CASD1: variants seen among roughly 807,000 people sequenced by gnomAD.
CASD1 encodes the protein CAS1 domain sialic acid O acetyltransferase 1.
A neutral mutation model predicts 100.0 loss-of-function variants in CASD1; 41 were observed. The ratio of observed to expected loss-of-function variants is 0.41; its 90% CI spans 0.32 to 0.53. CASD1 has a LOEUF of 0.53. CASD1 is among the 20% of genes least tolerant of loss of function. The probability of loss-of-function intolerance (pLI) is 0.25; values close to 1 mark genes in which losing one functional copy is unlikely to be tolerated. For synonymous variants in CASD1, 321 were observed against 315.6 expected (o/e 1.02, Z -0.18); for missense variants, 774 against 948.7 (o/e 0.82, Z 2.42).
At chr7:94,539,264 A>G (rs1471750015) in intron 10 of CASD1, among the ~76,000 whole-genome samples, 1 of 152,214 alleles carries the variant, frequency 6.6e-6, no homozygotes, top group Non-Finnish European at 1.5e-5. Context: ...AGATAAGGCA[A>G]TAATTGCTTT....
chr7:94,614,106 TCAAAAAAAAAAAA>T, the CASD1 span, among the ~76,000 whole-genome samples: 1 of 55,172 alleles, frequency 1.8e-5, no homozygotes, highest in Non-Finnish European at 3.4e-5. Context: ...CAAATTGAAA[TCAAAAAAAAAAAA>T]AAAAAAAAAA....
At chr7:94,570,060 G>A in the CASD1 span, among the ~76,000 whole-genome samples, 66 of 151,712 alleles carry the variant, frequency 4.4e-4, no homozygotes, top group African/African-American at 1.5e-3. Context: ...TGATCCGCCT[G>A]CCTCAGCCTC....
rs12673536 is a variant in CASD1 at position 94,553,559 on chromosome 7, G to A, written c.2035-924G>A. ...TTGAATATGAGTTTTTCCCTGAAGT[G>A]TGAACAGATTTGTCAATCCTTTTGT... On this transcript the variant is annotated intron_variant, in intron 16 of 17. Coordinates refer to ENST00000297273, the MANE Select transcript of CASD1 (RefSeq NM_022900.5). Among the ~76,000 whole-genome samples the A allele has an allele frequency of 3.9e-4, 60 of 152,248 alleles. No homozygotes were observed. The East Asian group carries it at 6.9e-3, about 18-fold the overall frequency.
At chr7:94,619,525 C>T in the CASD1 span, 1 of 152,220 alleles carries the variant, frequency 6.6e-6, no homozygotes, top group South Asian at 2.1e-4. Flanking sequence ...AACCCCATGT[C>T]AAATTCAGCC....
intron 10 of CASD1, among the ~76,000 whole-genome samples, chr7:94,543,044 G>T (rs557183095): frequency 1.3e-5 from 2 of 152,266 alleles, no homozygotes; most frequent in Non-Finnish European, 1.5e-5. Context: ...AGAAGAGTAG[G>T]ATTTGAATAA....
At chr7:94,510,308 A>C in intron 1 of CASD1, 91 bp downstream of exon 1, 1 of 1,007,344 alleles carries the variant, frequency 9.9e-7, no homozygotes, top group Non-Finnish European at 1.3e-6. Flanking sequence ...ACACACGCCC[A>C]CGCGGCCTTC....
chr7:94,629,756 T>C, the CASD1 span: 5 of 1,611,416 alleles, frequency 3.1e-6, no homozygotes, highest in Non-Finnish European at 4.2e-6. Context: ...CCTTAAAATA[T>C]TCTCTTTCCA....
At chr7:94,520,023 A>G (rs888786457) in intron 3 of CASD1, among the ~76,000 whole-genome samples, 2 of 152,222 alleles carry the variant, frequency 1.3e-5, no homozygotes, top group African/African-American at 4.8e-5. Flanking sequence ...TCCAGTTTTT[A>G]TAGTCTAGGA....
At chr7:94,623,453 T>A in the CASD1 span, 3 of 1,083,126 alleles carry the variant, frequency 2.8e-6, no homozygotes, top group Non-Finnish European at 4.2e-6. Context: ...TAAAATGAAA[T>A]TCATTAAGGA....
rs1436521512 is a variant in CASD1, at chr7:94,518,925, A to ACCT, written c.351+602_351+603insCCT. Reference sequence around the variant, plus strand: ...CTTTGTGTGAAAACTTTGCTTTTTAAATTATTTCCTTAGGGTGGAATCTCT... The same window carrying ACCT: ...CTTTGTGTGAAAACTTTGCTTTTTAACCTATTATTTCCTTAGGGTGGAATCTCT... On this transcript the variant is annotated intron_variant, in intron 3 of 17. Transcript: ENST00000297273. Among the ~76,000 whole-genome samples the ACCT allele has an allele frequency of 2.6e-5, 4 of 152,166 alleles. No individual in the cohort carries two copies. In the East Asian group the frequency reaches 7.7e-4, roughly 29 times the overall value.
At chr7:94,557,420 A>T (rs1031670638), downstream of CASD1, among the ~76,000 whole-genome samples, 2 of 152,208 alleles carry the variant, frequency 1.3e-5, no homozygotes, top group Non-Finnish European at 2.9e-5. Context: ...CTGCAGCCTT[A>T]TAAGTAGAGA....
chr7:94,521,485 C>T (rs1794266408), intron 3 of CASD1, among the ~76,000 whole-genome samples: 1 of 152,080 alleles, frequency 6.6e-6, no homozygotes, highest in African/African-American at 2.4e-5. Flanking sequence ...TTCTAATGTA[C>T]TCTATATTCT....
At chr7:94,604,805 GAATATATATATATATATATATATATATA>G in the CASD1 span, among the ~76,000 whole-genome samples, 2 of 34,056 alleles carry the variant, frequency 5.9e-5, no homozygotes, top group Admixed American at 4.9e-4. Context: ...AATGGTGCTG[GAATATATATATATATATATATATATATA>G]TATATATATA....
chr7:94,511,456 G>A (rs1455788324), intron 1 of CASD1, among the ~76,000 whole-genome samples: 1 of 152,140 alleles, frequency 6.6e-6, no homozygotes, highest in African/African-American at 2.4e-5. Flanking sequence ...ACAGCTTTTA[G>A]TATACTAAAT....
At chr7:94,546,884 T>C (rs1409619144) in intron 12 of CASD1, among the ~76,000 whole-genome samples, 3 of 151,984 alleles carry the variant, frequency 2.0e-5, no homozygotes, top group Non-Finnish European at 4.4e-5. Context: ...GTATCAGTTA[T>C]ACTTTATAGC....
intron 1 of CASD1, 120 bp downstream of exon 1, chr7:94,510,337 G>A (rs566443613): frequency 0.013 from 9,821 of 758,170 alleles, 98 homozygotes; most frequent in Middle Eastern, 0.025. Context: ...CGGCCCGCGG[G>A]GGAGGCGGTT....
the CASD1 span, chr7:94,623,608 C>A: frequency 5.8e-6 from 3 of 513,750 alleles, no homozygotes; most frequent in South Asian, 1.0e-4. Flanking sequence ...ATTTAATATA[C>A]TGAAACAAAA....
chr7:94,572,731 T>G, the CASD1 span, among the ~76,000 whole-genome samples: 4 of 152,200 alleles, frequency 2.6e-5, no homozygotes, highest in Non-Finnish European at 5.9e-5. Flanking sequence ...TCTTTAAGTT[T>G]AATTAGATCC....
chr7:94,562,465 C>G, the CASD1 span, among the ~76,000 whole-genome samples: 2 of 152,056 alleles, frequency 1.3e-5, no homozygotes, highest in Admixed American at 6.6e-5. Context: ...TTTGAAAATC[C>G]TAGTCTTCCA....
Sources: allele counts gnomAD v4.1 joint callset (sites outside exome capture counted in the v4.1 genomes callset), GRCh38; gene constraint gnomAD v4.1.1; transcripts MANE v1.5; gene names NCBI Gene and HGNC (gene_info 2026-07-23, HGNC 2026-07-21).